Variants in CRTC3 observed in about 807,000 individuals in gnomAD.
CRTC3 encodes the protein CREB regulated transcription coactivator 3.
A neutral mutation model predicts 74.5 loss-of-function variants in CRTC3; 26 were observed. The ratio of observed to expected loss-of-function variants is 0.35; its 90% CI spans 0.26 to 0.48. The LOEUF is 0.48. Among genes scored for constraint, CRTC3 ranks in the 20% least tolerant of loss-of-function variants. CRTC3 has a pLI of 0.99. For missense variants in CRTC3, 760 were observed against 787.3 expected (o/e 0.97, Z 0.41); for synonymous variants, 377 against 325.8 (o/e 1.16, Z -1.69).
chr15:90,545,182 C>T (rs1966842233), intron 2 of CRTC3, among the ~76,000 whole-genome samples: 1 of 152,142 alleles, frequency 6.6e-6, no homozygotes, highest in Non-Finnish European at 1.5e-5. Flanking sequence ...TGATTTCCTT[C>T]CTTTTCAAGG....
intron 6 of CRTC3, among the ~76,000 whole-genome samples, chr15:90,607,930 CT>C (rs899679805): frequency 2.6e-5 from 4 of 152,184 alleles, no homozygotes; most frequent in Admixed American, 2.6e-4. Context: ...AAGTGACTGT[CT>C]CTGTAGGTTG....
At position 90,644,854 on chromosome 15, in the gene CRTC3, AT is replaced by A. The variant is rs1182010574; in HGVS notation, c.*2715del. The A allele has an allele frequency of 8.6e-6, 2 of 232,282 alleles. No homozygotes were observed. Among genetic ancestry groups the A allele is most frequent in the African/African-American group, 4.4e-5 (2 of 45,320 alleles). The allele number at this position is 232,282 out of a possible 1,614,324, so 14.4% of individuals were successfully genotyped here. The stretch of plus-strand genomic sequence containing the variant: ...TCATTATTTAGTTTTGTCACAAGAA[AT>A]CGACCATTGTACTACTCTCACTTAC... On this transcript the variant is annotated 3_prime_UTR_variant, in exon 15 of 15. Coordinates refer to ENST00000268184, the MANE Select transcript of CRTC3 (RefSeq NM_022769.5).
At chr15:90,533,416 G>A (rs887698392) in intron 1 of CRTC3, among the ~76,000 whole-genome samples, 19 of 58,716 alleles carry the variant, frequency 3.2e-4, no homozygotes, top group Admixed American at 2.6e-3. Flanking sequence ...GCGAGACTCC[G>A]CCTAGGAAAA....
chr15:90,546,584 G>A lies in CRTC3; in HGVS notation c.231+6447G>A, dbSNP rs116841066. ...TCCTTTGCTTTTCCATAACATTTTAGAATCAGCTTGTTAATGTCTATAAAA... is the reference window on the plus strand; with the variant it reads ...TCCTTTGCTTTTCCATAACATTTTAAAATCAGCTTGTTAATGTCTATAAAA... On this transcript the variant is annotated intron_variant, in intron 2 of 14. Transcript: ENST00000268184. Among the ~76,000 whole-genome samples, 659 of 152,098 alleles carry A rather than the reference G, an allele frequency of 4.3e-3. 4 individuals are homozygous for A. Among genetic ancestry groups the A allele is most frequent in the Non-Finnish European group, 6.4e-3 (435 of 67,994 alleles).
Position 90,636,707 on chromosome 15 carries a change from G to GA in CRTC3, c.1267-1732dup, listed in dbSNP as rs558937371. Among the ~76,000 whole-genome samples the GA allele has an allele frequency of 9.7e-4, 147 of 151,620 alleles. 1 individual carries two copies. In the Middle Eastern group the frequency reaches 0.01, roughly 11 times the overall value. On this transcript the variant is annotated intron_variant, in intron 11 of 14. Coordinates refer to ENST00000268184, the MANE Select transcript of CRTC3 (RefSeq NM_022769.5). ...ATCTACAAAGAACTCAAATTTACAA[G>GA]AAAAAAACAAACAACCCCATCAAAA...
chr15:90,618,037 C>T, intron 8 of CRTC3, 69 bp downstream of exon 8: 2 of 1,033,588 alleles, frequency 1.9e-6, no homozygotes, highest in East Asian at 2.4e-5. Flanking sequence ...TTGAAAAATC[C>T]TGCAGAGGTG....
chr15:90,617,857 C>T (rs1323207153), intron 7 of CRTC3, 26 bp from the exon 8 acceptor site: 1 of 1,519,960 alleles, frequency 6.6e-7, no homozygotes, highest in Non-Finnish European at 9.1e-7. Flanking sequence ...CATGCAATGA[C>T]TGTGCTGCTT....
chr15:90,584,436 C>T (rs1967612685), intron 2 of CRTC3, among the ~76,000 whole-genome samples: 1 of 152,082 alleles, frequency 6.6e-6, no homozygotes, highest in Admixed American at 6.5e-5. Context: ...GGGGTTTCAC[C>T]ATGTTGGTCA....
At chr15:90,583,354 GC>G (rs1327337479) in intron 2 of CRTC3, among the ~76,000 whole-genome samples, 5 of 152,242 alleles carry the variant, frequency 3.3e-5, no homozygotes, top group Admixed American at 2.0e-4. Flanking sequence ...CAACACAAGG[GC>G]CACAGACATG....
At chr15:90,633,277 T>A (rs1032390026) in intron 11 of CRTC3, among the ~76,000 whole-genome samples, 1 of 152,164 alleles carries the variant, frequency 6.6e-6, no homozygotes, top group Admixed American at 6.5e-5. Flanking sequence ...CCCCAACTCT[T>A]GGAGTTGGGC....
intron 1 of CRTC3, among the ~76,000 whole-genome samples, chr15:90,539,055 G>A (rs1596068391): frequency 6.6e-6 from 1 of 152,182 alleles, no homozygotes. Flanking sequence ...CTTAGATCTG[G>A]TAGTGTTTTA....
At chr15:90,601,191 C>T (rs1269760152) in intron 3 of CRTC3, among the ~76,000 whole-genome samples, 2 of 152,178 alleles carry the variant, frequency 1.3e-5, no homozygotes, top group Admixed American at 1.3e-4. Flanking sequence ...CGCCCCTCTG[C>T]TCGGTGTGTA....
At chr15:90,624,444 C>A (rs996288142) in intron 9 of CRTC3, among the ~76,000 whole-genome samples, 1 of 152,022 alleles carries the variant, frequency 6.6e-6, no homozygotes, top group Non-Finnish European at 1.5e-5. Context: ...AGCACATTCT[C>A]TCCCGCCTGC....
At chr15:90,627,947 G>A (rs533736180) in intron 10 of CRTC3, among the ~76,000 whole-genome samples, 59 of 148,598 alleles carry the variant, frequency 4.0e-4, no homozygotes, top group East Asian at 2.1e-4. Context: ...GCTGGGTGCG[G>A]TGGCTCACTC....
At chr15:90,581,799 C>T (rs1368115259) in intron 2 of CRTC3, among the ~76,000 whole-genome samples, 1 of 152,178 alleles carries the variant, frequency 6.6e-6, no homozygotes, top group Middle Eastern at 3.2e-3. Flanking sequence ...AAGTGTCCTA[C>T]CAAGTTGAAT....
chr15:90,618,192 T>C, intron 8 of CRTC3: 1 of 255,410 alleles, frequency 3.9e-6, no homozygotes, highest in Non-Finnish European at 6.9e-6. Flanking sequence ...AATTTTCATA[T>C]GAATTGACTT....
At chr15:90,539,671 G>C in intron 1 of CRTC3, 1 of 262,310 alleles carries the variant, frequency 3.8e-6, no homozygotes, top group Non-Finnish European at 7.3e-6. Context: ...CTGGAAAAGA[G>C]CATGAAGAAG....
chr15:90,639,224 C>T (rs938072800), intron 13 of CRTC3, among the ~76,000 whole-genome samples: 1 of 152,064 alleles, frequency 6.6e-6, no homozygotes, highest in Non-Finnish European at 1.5e-5. Context: ...GTGCACCCAG[C>T]ACAGCGTGGG....
intron 14 of CRTC3, among the ~76,000 whole-genome samples, chr15:90,641,435 C>T (rs570630826): frequency 2.2e-4 from 33 of 152,232 alleles, no homozygotes; most frequent in Non-Finnish European, 4.4e-4. Context: ...CGGTGGCTCA[C>T]GCCTGTAATC....
Sources: gnomAD v4.1 joint callset for allele counts (sites outside exome capture counted in the v4.1 genomes callset) on GRCh38, gnomAD v4.1.1 for gene constraint, MANE v1.5 for transcripts, NCBI Gene and HGNC (gene_info 2026-07-23, HGNC 2026-07-21) for gene names.